DENND6A: variants seen among roughly 807,000 people sequenced by gnomAD.
DENND6A encodes the protein protein DENND6A.
In DENND6A, 43 loss-of-function variants were observed where a neutral mutation model predicts 95.5. The ratio of observed to expected loss-of-function variants is 0.45; its 90% CI spans 0.35 to 0.58. The LOEUF (loss-of-function observed/expected upper bound fraction) is 0.58, where lower values mean the gene tolerates loss of function less well. DENND6A is among the 20% of genes least tolerant of loss of function. The pLI is 0.00. For synonymous variants in DENND6A, 257 were observed against 260.4 expected (o/e 0.99, Z 0.13); for missense variants, 574 against 736.0 (o/e 0.78, Z 2.55).
Position 57,641,705 on chromosome 3 carries a change from C to A in DENND6A, c.1080G>T (p.Lys360Asn). ...TAATGTGTGGCCAGTGCTGGAGTGTCTTAGCAAAAAAAGGGTTGGTTACTC... is the reference window on the plus strand; with the variant it reads ...TAATGTGTGGCCAGTGCTGGAGTGTATTAGCAAAAAAAGGGTTGGTTACTC... The part of the protein sequence containing the change: ...ILGVTNPFFA[K>N]TLQHWPHIIR... Residue 360 changes from lysine (K) to asparagine (N), a missense_variant, in exon 12 of 20, where the codon AAG becomes AAT. Physicochemically the swap from Lys to Asn is moderately conservative, Grantham distance 94 (BLOSUM62 0). Around this residue, in one of 2 missense-constraint regions of DENND6A, gnomAD observed 452 missense variants for 630.9 expected, o/e 0.72. Transcript: ENST00000311128. 1 of 1,612,422 alleles carries A rather than the reference C, an allele frequency of 6.2e-7. No individual in the cohort carries two copies. Among genetic ancestry groups the A allele is most frequent in the Non-Finnish European group, 8.5e-7 (1 of 1,179,390 alleles).
chr3:57,630,467 A>G lies in DENND6A; in HGVS notation c.1574T>C (p.Met525Thr). Reference protein sequence around the residue: ...DGWFKTRRKEMTQKLEALHLE... With the variant: ...DGWFKTRRKETTQKLEALHLE... ...ATGGAGTGCCTCCAATTTTTGGGTC[A>G]TTTCCTTCCTCCGGGTCTTAAACCA... Residue 525 changes from methionine (M) to threonine (T), a missense_variant, in exon 18 of 20, where the codon ATG becomes ACG. Coordinates refer to ENST00000311128, the MANE Select transcript of DENND6A (RefSeq NM_152678.3). The G allele has an allele frequency of 2.5e-6, 4 of 1,596,348 alleles. No homozygotes were observed. The South Asian group carries it at 3.5e-5, about 14-fold the overall frequency.
chr3:57,646,918 A>G (rs1215680978), intron 9 of DENND6A, among the ~76,000 whole-genome samples: 2 of 152,208 alleles, frequency 1.3e-5, no homozygotes, highest in Non-Finnish European at 2.9e-5. Flanking sequence ...GCTGAACAAG[A>G]GCGAAACTCC....
At position 57,666,168 on chromosome 3, in the gene DENND6A, A is replaced by G; in HGVS notation, c.387T>C (p.His129=). The G allele has an allele frequency of 6.2e-7, 1 of 1,614,052 alleles. No homozygotes were observed. Among genetic ancestry groups the G allele is most frequent in the East Asian group, 2.2e-5 (1 of 44,862 alleles). ...CTTTGTCAAATTGATCCAGGAGACA[A>G]TGCAGCGACACCCTCCTCCCAGAAG... ...RQSSGRRVSL[H]CLLDQFDKDL... is the part of the protein sequence containing the mutation. Residue 129 remains histidine, a synonymous_variant, in exon 4 of 20, where the codon CAT becomes CAC. Coordinates refer to ENST00000311128, the MANE Select transcript of DENND6A (RefSeq NM_152678.3).
chr3:57,680,482 T>G (rs1378859787), intron 1 of DENND6A, among the ~76,000 whole-genome samples: 3 of 152,108 alleles, frequency 2.0e-5, no homozygotes, highest in African/African-American at 7.2e-5. Context: ...TGCCAGAAGG[T>G]GCCATCTATG....
chr3:57,681,848 A>G (rs1208038424), intron 1 of DENND6A, among the ~76,000 whole-genome samples: 1 of 152,168 alleles, frequency 6.6e-6, no homozygotes, highest in Non-Finnish European at 1.5e-5. Flanking sequence ...GATGCCAGGG[A>G]AAAAGTGGAA....
At chr3:57,664,246 G>A (rs768184509) in intron 4 of DENND6A, among the ~76,000 whole-genome samples, 7 of 152,062 alleles carry the variant, frequency 4.6e-5, no homozygotes, top group Non-Finnish European at 8.8e-5. Flanking sequence ...GAAAATAAAA[G>A]GAGTTAAATG....
chr3:57,628,760 A>T, intron 19 of DENND6A, 51 bp downstream of exon 19: 1 of 1,570,996 alleles, frequency 6.4e-7, no homozygotes, highest in Non-Finnish European at 8.7e-7. Flanking sequence ...ATGAGAGGAC[A>T]ATGTCTTCAA....
Position 57,657,438 on chromosome 3 carries a change from AT to A in DENND6A, c.818+241del, listed in dbSNP as rs1305397456. 2.6e-5 allele frequency among the ~76,000 whole-genome samples: 4 copies of A among 152,284 alleles called. No homozygotes were observed. The East Asian group carries it at 7.7e-4, about 29-fold the overall frequency. On this transcript the variant is annotated intron_variant, in intron 9 of 19. Coordinates refer to ENST00000311128, the MANE Select transcript of DENND6A (RefSeq NM_152678.3). The stretch of plus-strand genomic sequence containing the variant: ...TGTTTTCTAACATTATTACAATATA[AT>A]TCTCACACTAAACCAAACAAAAATA...
chr3:57,691,114 A>C (rs1183180854), intron 1 of DENND6A, among the ~76,000 whole-genome samples: 1 of 152,236 alleles, frequency 6.6e-6, no homozygotes, highest in East Asian at 1.9e-4. Flanking sequence ...GAATGTCCCA[A>C]ATAATGAGAA....
chr3:57,658,532 T>G (rs141399375), intron 8 of DENND6A, among the ~76,000 whole-genome samples: 1 of 152,230 alleles, frequency 6.6e-6, no homozygotes, highest in Non-Finnish European at 1.5e-5. Flanking sequence ...TGTCCTTGTT[T>G]AAGAAAAAAT....
rs1409410019 is a variant in DENND6A at position 57,659,186 on chromosome 3, A to G, written c.700-6T>C. The G allele has an allele frequency of 6.2e-6, 10 of 1,613,862 alleles. No homozygotes were observed. The South Asian group carries it at 1.1e-4, about 18-fold the overall frequency. On this transcript the variant is annotated splice_region_variant and splice_polypyrimidine_tract_variant and intron_variant, in intron 7 of 19. Coordinates refer to ENST00000311128, the MANE Select transcript of DENND6A (RefSeq NM_152678.3). ...TGACATGTGGGAATCCGTACCTAAA[A>G]GAAAGACAGGAAATTATTTTTGGTT...
intron 7 of DENND6A, among the ~76,000 whole-genome samples, chr3:57,660,534 A>G (rs918890515): frequency 6.6e-6 from 1 of 151,984 alleles, no homozygotes; most frequent in African/African-American, 2.4e-5. Flanking sequence ...ACATGGCAAG[A>G]TTCTGTCTAC....
intron 1 of DENND6A, among the ~76,000 whole-genome samples, chr3:57,691,472 T>C (rs1379300384): frequency 6.6e-6 from 1 of 152,176 alleles, no homozygotes; most frequent in Non-Finnish European, 1.5e-5. Flanking sequence ...CACATCCTAT[T>C]TGTATGCTCC....
chr3:57,641,996 A>G (rs2070952424), intron 11 of DENND6A, among the ~76,000 whole-genome samples: 1 of 152,178 alleles, frequency 6.6e-6, no homozygotes, highest in African/African-American at 2.4e-5. Context: ...TGCCAAAATT[A>G]GAAGACAGTG....
intron 11 of DENND6A, among the ~76,000 whole-genome samples, chr3:57,644,357 G>C (rs1258336998): frequency 6.6e-6 from 1 of 151,936 alleles, no homozygotes; most frequent in Non-Finnish European, 1.5e-5. Context: ...CAGGGCTGGA[G>C]TCCAGTGGCA....
intron 11 of DENND6A, among the ~76,000 whole-genome samples, chr3:57,645,453 T>A (rs1027537273): frequency 6.6e-6 from 1 of 152,102 alleles, no homozygotes; most frequent in African/African-American, 2.4e-5. Flanking sequence ...AGAGCAAACC[T>A]CTGTCTCAAA....
At chr3:57,645,445 A>G (rs1470315872) in intron 11 of DENND6A, among the ~76,000 whole-genome samples, 1 of 152,232 alleles carries the variant, frequency 6.6e-6, no homozygotes, top group African/African-American at 2.4e-5. Context: ...TGGGCGACAG[A>G]GCAAACCTCT....
At chr3:57,674,635 T>C (rs1365694035) in intron 1 of DENND6A, among the ~76,000 whole-genome samples, 2 of 152,090 alleles carry the variant, frequency 1.3e-5, no homozygotes, top group Non-Finnish European at 2.9e-5. Context: ...AAGACTCTTA[T>C]CTCAAAAAAT....
Position 57,684,848 on chromosome 3 carries a change from G to T in DENND6A, c.237+7934C>A, listed in dbSNP as rs536139037. Among the ~76,000 whole-genome samples, 6 of 152,264 alleles carry T rather than the reference G, an allele frequency of 3.9e-5. No individual in the cohort carries two copies. The South Asian group carries it at 6.2e-4, about 16-fold the overall frequency. ...GCTGGGTACAATGGCTCATGCCTGG[G>T]ATCTCAACACTTTGGGAGGTGGAGG... is the stretch of plus-strand genomic sequence containing the variant. On this transcript the variant is annotated intron_variant, in intron 1 of 19. Transcript: ENST00000311128.
Sources: gnomAD v4.1 joint callset for allele counts (sites outside exome capture counted in the v4.1 genomes callset) on GRCh38, gnomAD v4.1.1 for gene constraint, gnomAD v4.1.1 regional missense constraint, MANE v1.5 for transcripts, NCBI Gene and HGNC (gene_info 2026-07-23, HGNC 2026-07-21) for gene names.